Variants in MYO6 observed in about 807,000 individuals in gnomAD.
MYO6 encodes the protein myosin VI, also known as unconventional myosin-VI.
MYO6 carries 74 observed loss-of-function variants against 178.7 expected under a neutral mutation model. That is an observed-to-expected ratio of 0.41 (90% CI 0.34 to 0.50). The LOEUF (loss-of-function observed/expected upper bound fraction) is 0.50, where lower values mean the gene tolerates loss of function less well. Among genes scored for constraint, MYO6 ranks in the 20% least tolerant of loss-of-function variants. The pLI is 0.09. For synonymous variants in MYO6, 477 were observed against 504.6 expected (o/e 0.95, Z 0.73); for missense variants, 1,330 against 1,547.4 (o/e 0.86, Z 2.36).
At chr6:75,887,975 T>C (rs1216305357) in intron 25 of MYO6, among the ~76,000 whole-genome samples, 11 of 143,798 alleles carry the variant, frequency 7.6e-5, no homozygotes, top group Non-Finnish European at 1.5e-4. Context: ...CAAGACTCCG[T>C]CTCAAAAAAA....
chr6:75,892,673 C>T lies in MYO6; in HGVS notation c.3090C>T (p.Ala1030=), dbSNP rs774066115. 18 of 1,612,260 alleles carry T rather than the reference C, an allele frequency of 1.1e-5. No individual in the cohort carries two copies. Among genetic ancestry groups the T allele is most frequent in the East Asian group, 2.2e-5 (1 of 44,886 alleles). ...EAELISDEAQ[A]DLALRRNDGT... is the part of the protein sequence containing the mutation. ...AGCTCATCAGTGATGAGGCCCAGGC[C>T]GACCTGGCGCTGCGGAGGTACTGGG... Residue 1030 remains alanine, a synonymous_variant, in exon 28 of 35, where the codon GCC becomes GCT. Transcript: ENST00000369977.
intron 19 of MYO6, among the ~76,000 whole-genome samples, chr6:75,871,372 C>T (rs1297823413): frequency 1.3e-5 from 2 of 152,160 alleles, no homozygotes; most frequent in Non-Finnish European, 2.9e-5. Context: ...ACCTCAGCCT[C>T]CCAACTAGCT....
rs777614964 is a variant in MYO6, at chr6:75,841,317, G to A, written c.755G>A (p.Cys252Tyr). The stretch of plus-strand genomic sequence containing the variant: ...AATTATCATATCTTTTATAGGTTGT[G>A]TGCTGGTGCTTCTGAAGATATTAGA... ...ERNYHIFYRL[C>Y]AGASEDIREK... The change falls in exon 9 of 35, where the codon TGT becomes TAT. Residue 252 changes from cysteine (C) to tyrosine (Y), a missense_variant. By Grantham distance (194) the Cys-to-Tyr change is radical. Transcript: ENST00000369977. 14 of 1,613,908 alleles carry A rather than the reference G, an allele frequency of 8.7e-6. No homozygotes were observed. The highest frequency in any genetic ancestry group is 1.1e-5 in the Non-Finnish European group (13 of 1,179,986).
intron 25 of MYO6, among the ~76,000 whole-genome samples, chr6:75,889,423 T>A (rs1211104502): frequency 2.0e-5 from 3 of 152,216 alleles, no homozygotes; most frequent in Non-Finnish European, 4.4e-5. Context: ...ATAATTCTTT[T>A]TGAGATAAGA....
intron 11 of MYO6, among the ~76,000 whole-genome samples, chr6:75,848,814 A>C (rs908424930): frequency 1.3e-5 from 2 of 152,132 alleles, no homozygotes; most frequent in Non-Finnish European, 2.9e-5. Flanking sequence ...GGTAATTTTT[A>C]GTTAAATTTT....
intron 1 of MYO6, among the ~76,000 whole-genome samples, chr6:75,760,795 TC>T (rs1299911493): frequency 6.6e-6 from 1 of 152,080 alleles, no homozygotes; most frequent in African/African-American, 2.4e-5. Flanking sequence ...TGTGGGATCT[TC>T]TAAAAACATA....
intron 7 of MYO6, among the ~76,000 whole-genome samples, chr6:75,837,874 C>T (rs533045930): frequency 2.0e-5 from 3 of 151,888 alleles, no homozygotes; most frequent in Non-Finnish European, 2.9e-5. Flanking sequence ...TAAAAAAGAA[C>T]AAATTATGGG....
At chr6:75,846,797 C>T (rs995983614) in intron 10 of MYO6, among the ~76,000 whole-genome samples, 12 of 151,936 alleles carry the variant, frequency 7.9e-5, no homozygotes, top group Admixed American at 1.3e-4. Context: ...GGAAAGAAAA[C>T]GAGTTTACTC....
Position 75,908,514 on chromosome 6 carries a change from C to G in MYO6, c.3299C>G (p.Ala1100Gly), listed in dbSNP as rs1780519487. 6.2e-7 allele frequency: 1 copy of G among 1,613,024 alleles called. No individual in the cohort carries two copies. Among genetic ancestry groups the G allele is most frequent in the Non-Finnish European group, 8.5e-7 (1 of 1,179,590 alleles). Residue 1100 changes from alanine to glycine, a missense_variant, in exon 32 of 35, where the codon GCT becomes GGT. Transcript: ENST00000369977. ...TCAATAGATATTGAGCTCCTGGCAG[C>G]TTGCAGAGAAGAATTTCATAGGAGA... Reference protein sequence around the residue: ...NTSCDIELLAACREEFHRRLK... With the variant: ...NTSCDIELLAGCREEFHRRLK...
chr6:75,840,431 G>T (rs560504070), intron 7 of MYO6, among the ~76,000 whole-genome samples, 154 bp from the exon 8 acceptor site: 6 of 152,068 alleles, frequency 3.9e-5, no homozygotes, highest in Non-Finnish European at 7.4e-5. Context: ...AAAGTGCTGG[G>T]ATTACAGGCA....
chr6:75,822,323 C>T (rs192415510), intron 2 of MYO6, among the ~76,000 whole-genome samples: 52 of 152,180 alleles, frequency 3.4e-4, no homozygotes, highest in Non-Finnish European at 6.6e-4. Context: ...GTTTCAAACT[C>T]CTGACCTCGG....
At chr6:75,822,540 G>A (rs1771999864) in intron 2 of MYO6, among the ~76,000 whole-genome samples, 1 of 151,922 alleles carries the variant, frequency 6.6e-6, no homozygotes, top group South Asian at 2.1e-4. Context: ...TTGGAGCCTA[G>A]GATACTTACT....
intron 18 of MYO6, among the ~76,000 whole-genome samples, 179 bp from the exon 19 acceptor site, chr6:75,870,468 A>G (rs1777058636): frequency 6.6e-6 from 1 of 152,158 alleles, no homozygotes; most frequent in African/African-American, 2.4e-5. Flanking sequence ...TACATTAGCC[A>G]TTTTGCATGA....
chr6:75,810,389 T>C (rs887681348), intron 1 of MYO6, among the ~76,000 whole-genome samples: 1 of 152,200 alleles, frequency 6.6e-6, no homozygotes, highest in Non-Finnish European at 1.5e-5. Context: ...ATATCTGGCA[T>C]GTGATGCTGT....
chr6:75,854,140 C>T (rs1426591404), intron 11 of MYO6, among the ~76,000 whole-genome samples: 1 of 152,116 alleles, frequency 6.6e-6, no homozygotes, highest in African/African-American at 2.4e-5. Flanking sequence ...GCCTGGCCAC[C>T]TTCTGCTGCA....
At chr6:75,903,778 A>T (rs1780026314) in intron 30 of MYO6, among the ~76,000 whole-genome samples, 1 of 151,002 alleles carries the variant, frequency 6.6e-6, no homozygotes, top group South Asian at 2.1e-4. Context: ...TTATGATGTT[A>T]GCTGGTGATT....
At chr6:75,802,571 T>A (rs1314459369) in intron 1 of MYO6, among the ~76,000 whole-genome samples, 1 of 149,400 alleles carries the variant, frequency 6.7e-6, no homozygotes, top group Non-Finnish European at 1.5e-5. Flanking sequence ...AGCCTCAACA[T>A]CCCAGGCTGA....
At chr6:75,835,699 T>G (rs943672014) in intron 6 of MYO6, among the ~76,000 whole-genome samples, 1 of 152,206 alleles carries the variant, frequency 6.6e-6, no homozygotes, top group Non-Finnish European at 1.5e-5. Context: ...CCCAAAATGC[T>G]GGGATTACAG....
chr6:75,823,994 T>C (rs1442859595), intron 3 of MYO6, among the ~76,000 whole-genome samples: 5 of 152,332 alleles, frequency 3.3e-5, no homozygotes, highest in African/African-American at 9.6e-5. Context: ...GATTAAATAA[T>C]ACATTTTTGA....
Sources: gnomAD v4.1 joint callset for allele counts (sites outside exome capture counted in the v4.1 genomes callset) on GRCh38, gnomAD v4.1.1 for gene constraint, MANE v1.5 for transcripts, NCBI Gene and HGNC (gene_info 2026-07-23, HGNC 2026-07-21) for gene names.